GSE1: variants seen among roughly 807,000 people sequenced by gnomAD.
The protein encoded by GSE1 is genetic suppressor element 1.
Under a neutral mutation model 112.6 loss-of-function variants are expected in GSE1, and 32 were observed. The observed-to-expected ratio is 0.28, with a 90% CI of 0.21 to 0.38. The LOEUF (loss-of-function observed/expected upper bound fraction) is 0.38, where lower values mean the gene tolerates loss of function less well. Ranked by LOEUF, GSE1 falls within the 10% of genes least tolerant of loss-of-function variation. GSE1 has a pLI of 1.00. For synonymous variants in GSE1, 1,115 were observed against 735.6 expected (o/e 1.52, Z -8.35); for missense variants, 2,348 against 1,699.2 (o/e 1.38, Z -6.71).
At chr16:85,575,423 C>T (rs1048051543) in intron 1 of GSE1, among the ~76,000 whole-genome samples, 1 of 152,160 alleles carries the variant, frequency 6.6e-6, no homozygotes, top group African/African-American at 2.4e-5. Flanking sequence ...TACACACAGA[C>T]CCCTCCTTGC....
chr16:85,330,261 A>G (rs533766528), intron 1 of GSE1, among the ~76,000 whole-genome samples: 1 of 152,284 alleles, frequency 6.6e-6, no homozygotes, highest in East Asian at 1.9e-4. Context: ...AGGGTGATGG[A>G]AGCTGATGCT....
chr16:85,338,339 C>A (rs946753062), intron 1 of GSE1, among the ~76,000 whole-genome samples: 1 of 152,240 alleles, frequency 6.6e-6, no homozygotes, highest in Non-Finnish European at 1.5e-5. Flanking sequence ...CCTAACCTTC[C>A]GGGCTGCTCT....
chr16:85,336,491 G>A (rs912135691), intron 1 of GSE1, among the ~76,000 whole-genome samples: 3 of 152,202 alleles, frequency 2.0e-5, no homozygotes, highest in East Asian at 1.9e-4. Context: ...TTGGTGGCTC[G>A]GGTAGGACAC....
chr16:85,207,796 C>T (rs2075146625), intron 1 of GSE1: 1 of 152,288 alleles, frequency 6.6e-6, no homozygotes, highest in South Asian at 2.1e-4. Context: ...ACTCACACAC[C>T]CACTCCCGGT....
intron 1 of GSE1, among the ~76,000 whole-genome samples, chr16:85,195,688 G>A (rs777183234): frequency 1.3e-5 from 2 of 152,176 alleles, no homozygotes; most frequent in Admixed American, 6.5e-5. Context: ...TCTTGTGGTC[G>A]TCAAAATTAA....
In GSE1 at chr16:85,507,257, T is replaced by C. The variant is rs573442188; in HGVS notation, c.2465-126657T>C. 5.9e-5 allele frequency among the ~76,000 whole-genome samples: 9 copies of C among 152,358 alleles called. 1 individual carries two copies. The South Asian group carries it at 1.9e-3, about 32-fold the overall frequency. ...TCTTCTCTGTCTGCTCATAAATCCC[T>C]CTGCAGAGCTCCGTCCTCGGCATTC... On this transcript the variant is annotated intron_variant, in intron 2 of 2. Transcript: ENST00000637419.
chr16:85,546,519 G>A (rs2044708388), intron 2 of GSE1, among the ~76,000 whole-genome samples: 1 of 152,264 alleles, frequency 6.6e-6, no homozygotes, highest in Non-Finnish European at 1.5e-5. Flanking sequence ...TTGGTGGGGA[G>A]CCAGAACAGG....
chr16:85,315,088 G>T (rs2045958894), intron 1 of GSE1, among the ~76,000 whole-genome samples: 2 of 152,144 alleles, frequency 1.3e-5, no homozygotes, highest in Non-Finnish European at 2.9e-5. Flanking sequence ...GAAATATTTG[G>T]GAGTGCCCCA....
chr16:85,468,358 C>T lies in GSE1; in HGVS notation c.2464+110715C>T, dbSNP rs1472148681. 2.7e-5 allele frequency among the ~76,000 whole-genome samples: 4 copies of T among 148,470 alleles called. No individual in the cohort carries two copies. In the South Asian group the frequency reaches 8.7e-4, roughly 32 times the overall value. On this transcript the variant is annotated intron_variant, in intron 2 of 2. Transcript: ENST00000637419. ...TTGAGGTGGGGTCTCACTCTGTCAC[C>T]CAGGCTGGAGTGCGGTGACGCGACC...
intron 2 of GSE1, among the ~76,000 whole-genome samples, chr16:85,636,808 G>A (rs963168144): frequency 2.6e-5 from 4 of 152,172 alleles, no homozygotes; most frequent in South Asian, 4.1e-4. Flanking sequence ...GGGAGCTGGC[G>A]TTGGGCGCAC....
chr16:85,555,785 C>T (rs1356710332), upstream of GSE1: 1 of 976,118 alleles, frequency 1.0e-6, no homozygotes, highest in African/African-American at 1.8e-5. Context: ...GAGATTGCTA[C>T]TCGCACGTCC....
intron 1 of GSE1, among the ~76,000 whole-genome samples, chr16:85,601,816 G>T (rs1286953628): frequency 6.6e-6 from 1 of 152,236 alleles, no homozygotes; most frequent in African/African-American, 2.4e-5. Context: ...CGCCTATCCT[G>T]TGGTGGGTGA....
intron 2 of GSE1, among the ~76,000 whole-genome samples, chr16:85,475,581 C>T (rs963004563): frequency 3.9e-5 from 6 of 152,164 alleles, no homozygotes; most frequent in Non-Finnish European, 7.4e-5. Flanking sequence ...TTATTTGTAG[C>T]ATGCCTCAGT....
chr16:85,215,408 A>C lies in GSE1; in HGVS notation c.2283+43601A>C, dbSNP rs557331721. 1.4e-4 allele frequency among the ~76,000 whole-genome samples: 21 copies of C among 152,234 alleles called. No homozygotes were observed. In the South Asian group the frequency reaches 4.1e-3, roughly 30 times the overall value. ...TGGACTTCAGACACTCAGAAGGGGA[A>C]GGGTTGTGGGGGGGCCAGGGATAAA... On this transcript the variant is annotated intron_variant, in intron 1 of 2. Transcript: ENST00000637419.
intron 1 of GSE1, among the ~76,000 whole-genome samples, chr16:85,287,479 G>A (rs2045069791): frequency 1.3e-5 from 2 of 152,094 alleles, no homozygotes; most frequent in East Asian, 1.9e-4. Flanking sequence ...CCACGCACCC[G>A]CTCTGTTCTG....
In GSE1 at chr16:85,219,120, C is replaced by T. The variant is rs944118882; in HGVS notation, c.2283+47313C>T. On this transcript the variant is annotated intron_variant, in intron 1 of 2. Transcript: ENST00000637419. ...GGTCTTGATCTCCGGACTCATGATC[C>T]GCCCACCTCAGCTTCCCAAAGTACT... is the stretch of plus-strand genomic sequence containing the variant. Among the ~76,000 whole-genome samples the T allele has an allele frequency of 3.3e-5, 5 of 152,118 alleles. No individual in the cohort carries two copies. In the South Asian group the frequency reaches 6.2e-4, roughly 19 times the overall value.
chr16:85,290,395 C>G (rs1050670208), intron 1 of GSE1, among the ~76,000 whole-genome samples: 1 of 152,220 alleles, frequency 6.6e-6, no homozygotes, highest in Non-Finnish European at 1.5e-5. Flanking sequence ...CCATTGGGTA[C>G]TGATCCCATC....
chr16:85,248,948 G>A (rs537988806), intron 1 of GSE1, among the ~76,000 whole-genome samples: 2 of 152,318 alleles, frequency 1.3e-5, no homozygotes, highest in African/African-American at 2.4e-5. Flanking sequence ...AGCTTCCGGG[G>A]CGTTATATGA....
At chr16:85,454,067 C>G (rs971121227) in intron 2 of GSE1, among the ~76,000 whole-genome samples, 3 of 152,284 alleles carry the variant, frequency 2.0e-5, no homozygotes, top group African/African-American at 7.2e-5. Flanking sequence ...GTGGCAGGCT[C>G]TAGGAGTGGA....
Sources: gnomAD v4.1 joint callset for allele counts (sites outside exome capture counted in the v4.1 genomes callset) on GRCh38, gnomAD v4.1.1 for gene constraint, MANE v1.5 for transcripts, NCBI Gene and HGNC (gene_info 2026-07-23, HGNC 2026-07-21) for gene names.